Variants in ATP2B2 observed in about 807,000 individuals in gnomAD.
ATP2B2 encodes the protein ATPase plasma membrane Ca2+ transporting 2, also known as plasma membrane calcium-transporting ATPase 2.
In ATP2B2, 15 loss-of-function variants were observed where a neutral mutation model predicts 120.0. The ratio of observed to expected loss-of-function variants is 0.12; its 90% confidence interval spans 0.08 to 0.19. The LOEUF is 0.19. Ranked by LOEUF, ATP2B2 falls within the 10% of genes least tolerant of loss-of-function variation. The pLI, the probability that ATP2B2 is intolerant of heterozygous loss-of-function variation, is 1.00. For missense variants in ATP2B2, 1,045 were observed against 1,719.8 expected (o/e 0.61, Z 6.94); for synonymous variants, 694 against 700.3 (o/e 0.99, Z 0.14).
intron 1 of ATP2B2, among the ~76,000 whole-genome samples, chr3:10,666,791 G>A (rs117407042): frequency 5.9e-5 from 9 of 152,262 alleles, no homozygotes; most frequent in Middle Eastern, 3.4e-3. Context: ...AGAGAGGCAC[G>A]AAGCCCCGCC....
At chr3:10,373,890 A>T (rs1348483051) in intron 11 of ATP2B2, among the ~76,000 whole-genome samples, 1 of 152,082 alleles carries the variant, frequency 6.6e-6, no homozygotes, top group Non-Finnish European at 1.5e-5. Flanking sequence ...TAGGAAACTT[A>T]AAATTGCACA....
At chr3:10,353,041 C>T (rs1195942642) in intron 14 of ATP2B2, among the ~76,000 whole-genome samples, 1 of 152,206 alleles carries the variant, frequency 6.6e-6, no homozygotes, top group East Asian at 1.9e-4. Context: ...CAGGGTGCTC[C>T]CTCCCTCTAA....
Position 10,417,072 on chromosome 3 carries a change from G to T in ATP2B2, c.200-6257C>A, listed in dbSNP as rs11713330. On this transcript the variant is annotated intron_variant, in intron 2 of 22. Coordinates refer to ENST00000360273, the MANE Select transcript of ATP2B2 (RefSeq NM_001001331.4). ...CTCCTCACTTCCCAGACGGCGGCGGGGGGGGGCGGGCAGAGGGGCTCCTCA... is the reference window on the plus strand; with the variant it reads ...CTCCTCACTTCCCAGACGGCGGCGGTGGGGGGCGGGCAGAGGGGCTCCTCA... Among the ~76,000 whole-genome samples, 178 of 139,018 alleles carry T rather than the reference G, an allele frequency of 1.3e-3. 7 individuals carry two copies. In the South Asian group the frequency reaches 0.025, roughly 19 times the overall value. The allele number at this position is 139,018 out of a possible 152,430, so 91.2% of individuals were successfully genotyped here.
rs189203545 is a variant in ATP2B2 at position 10,449,683 on chromosome 3, G to T, written c.-140C>A. On this transcript the variant is annotated 5_prime_UTR_variant, in exon 2 of 23. Transcript: ENST00000360273. ...CCAGGCGGCCGACTCCGGGTCCCGG[G>T]GGGTGGGGGTGGCCGAGGCGGGCTG... 5.9e-3 allele frequency: 6,024 copies of T among 1,017,716 alleles called. 24 individuals carry two copies. The highest frequency in any genetic ancestry group is 8.1e-3 in the Non-Finnish European group (5,416 of 664,862). 63.0% of individuals were successfully genotyped at this position (1,017,716 alleles called of 1,614,324 possible).
intron 2 of ATP2B2, among the ~76,000 whole-genome samples, chr3:10,424,414 C>G (rs568752721): frequency 1.3e-5 from 2 of 152,212 alleles, no homozygotes; most frequent in South Asian, 2.1e-4. Context: ...CTTGAGACAG[C>G]CTTTTGCTAT....
In ATP2B2 at chr3:10,475,245, G is replaced by A. The variant is rs550916491; in HGVS notation, c.-319-25383C>T. Among the ~76,000 whole-genome samples, 125 of 152,362 alleles carry A rather than the reference G, an allele frequency of 8.2e-4. 2 individuals carry two copies. The South Asian group carries it at 0.013, about 16-fold the overall frequency. ...TCATCTTTCTTCACTACTGCTCTGC[G>A]CTCATGACAAGAGACTTTATTGTGT... On this transcript the variant is annotated intron_variant, in intron 1 of 22. Transcript: ENST00000360273.
At chr3:10,600,252 T>C (rs2068871978) in intron 2 of ATP2B2, among the ~76,000 whole-genome samples, 2 of 152,226 alleles carry the variant, frequency 1.3e-5, no homozygotes, top group Non-Finnish European at 2.9e-5. Context: ...AGAAGTGCCG[T>C]TAACTGGATG....
At chr3:10,533,847 C>T (rs911893751) in intron 3 of ATP2B2, among the ~76,000 whole-genome samples, 36 of 152,218 alleles carry the variant, frequency 2.4e-4, no homozygotes, top group African/African-American at 8.7e-4. Context: ...TGCCATAGGG[C>T]TTCCAGGGAA....
chr3:10,354,485 T>C (rs886550922), intron 14 of ATP2B2, among the ~76,000 whole-genome samples: 1 of 152,240 alleles, frequency 6.6e-6, no homozygotes, highest in African/African-American at 2.4e-5. Context: ...TAAAGGCTTT[T>C]AAACATCTGT....
chr3:10,453,607 T>C (rs1248211379), intron 1 of ATP2B2, among the ~76,000 whole-genome samples: 1 of 152,202 alleles, frequency 6.6e-6, no homozygotes, highest in Non-Finnish European at 1.5e-5. Context: ...TGAATGAAAG[T>C]GCTTTGCAAT....
In ATP2B2 at chr3:10,385,290, A is replaced by G; in HGVS notation, c.978T>C (p.Ser326=). Residue 326 remains serine, a synonymous_variant, in exon 8 of 23, where the codon AGT becomes AGC. Coordinates refer to ENST00000360273, the MANE Select transcript of ATP2B2 (RefSeq NM_001001331.4). ...TACCATTGACTAGGCTGGCATTCGC[A>G]CTATCTGCAGCATTTGAAGCTGCCG... ...DGAAASNAAD[S]ANASLVNGKM... 6.2e-7 allele frequency: 1 copy of G among 1,614,106 alleles called. No homozygotes were observed. The highest frequency in any genetic ancestry group is 8.5e-7 in the Non-Finnish European group (1 of 1,180,032).
chr3:10,547,119 C>G (rs571696869), intron 2 of ATP2B2, among the ~76,000 whole-genome samples: 3 of 151,890 alleles, frequency 2.0e-5, no homozygotes, highest in Non-Finnish European at 4.4e-5. Flanking sequence ...TCAATTGTAT[C>G]GGTCTGGGGA....
chr3:10,453,533 T>G (rs1457905444), intron 1 of ATP2B2, among the ~76,000 whole-genome samples: 1 of 152,198 alleles, frequency 6.6e-6, no homozygotes, highest in African/African-American at 2.4e-5. Flanking sequence ...CAGGATGCTT[T>G]TCTGCTTCCC....
At chr3:10,496,940 C>T (rs2066176694) in intron 1 of ATP2B2, among the ~76,000 whole-genome samples, 1 of 152,184 alleles carries the variant, frequency 6.6e-6, no homozygotes, top group South Asian at 2.1e-4. Flanking sequence ...AACGGGCCAG[C>T]CACGGCTTTT....
chr3:10,563,160 G>A (rs2067939857), intron 2 of ATP2B2, among the ~76,000 whole-genome samples: 1 of 152,212 alleles, frequency 6.6e-6, no homozygotes, highest in Non-Finnish European at 1.5e-5. Flanking sequence ...CAGGCACTGA[G>A]CCGGAACTTT....
chr3:10,332,452 AAGAG>A (rs1299965002), intron 22 of ATP2B2: 1 of 186,986 alleles, frequency 5.3e-6, no homozygotes, highest in Non-Finnish European at 1.1e-5. Context: ...GGCAATGAGA[AAGAG>A]AGGCTGTGCG....
upstream of ATP2B2, among the ~76,000 whole-genome samples, chr3:10,507,366 C>T (rs1257033873): frequency 6.6e-6 from 1 of 152,132 alleles, no homozygotes; most frequent in Non-Finnish European, 1.5e-5. Context: ...CCACTGGCCA[C>T]CCCTCTAGGT....
intron 2 of ATP2B2, among the ~76,000 whole-genome samples, chr3:10,568,767 A>C (rs113840421): frequency 6.8e-4 from 103 of 152,300 alleles, no homozygotes; most frequent in African/African-American, 2.4e-3. Flanking sequence ...CTCCAGACCT[A>C]TAGCCGTGTC....
chr3:10,660,741 A>C lies in ATP2B2; in HGVS notation c.-459-40780T>G, dbSNP rs1347752897. Among the ~76,000 whole-genome samples the C allele has an allele frequency of 5.3e-5, 8 of 152,286 alleles. No homozygotes were observed. In the East Asian group the frequency reaches 1.4e-3, roughly 26 times the overall value. On this transcript the variant is annotated intron_variant, in intron 1 of 21. Transcript: ENST00000646379. Reference sequence around the variant, plus strand: ...GAAAAAGAGGGAATCCTCCCTAACTAATTTTATGAGGCCAGCATCATCCTG... The same window carrying C: ...GAAAAAGAGGGAATCCTCCCTAACTCATTTTATGAGGCCAGCATCATCCTG...
Sources: gnomAD v4.1 joint callset for allele counts (sites outside exome capture counted in the v4.1 genomes callset) on GRCh38, gnomAD v4.1.1 for gene constraint, MANE v1.5 for transcripts, NCBI Gene and HGNC (gene_info 2026-07-23, HGNC 2026-07-21) for gene names.